The following PARD3 variants were observed in gnomAD, a reference collection of about 807,000 sequenced individuals.
PARD3 encodes the protein partitioning defective 3 homolog.
PARD3 carries 75 observed loss-of-function variants against 155.4 expected under a neutral mutation model. The observed-to-expected ratio is 0.48, with a 90% CI of 0.40 to 0.58. The LOEUF is 0.58. Ranked by LOEUF, PARD3 falls within the 20% of genes least tolerant of loss-of-function variation. The probability of loss-of-function intolerance (pLI) is 0.00; values close to 1 mark genes in which losing one functional copy is unlikely to be tolerated. For missense variants in PARD3, 1,642 were observed against 1,721.7 expected (o/e 0.95, Z 0.82); for synonymous variants, 576 against 610.5 (o/e 0.94, Z 0.83).
At chr10:34,402,015 T>C in intron 5 of PARD3, 98 bp from the exon 6 acceptor site, 1 of 926,366 alleles carries the variant, frequency 1.1e-6, no homozygotes. Context: ...ATAGGCATTA[T>C]GATCTTGGTA....
intron 21 of PARD3, among the ~76,000 whole-genome samples, chr10:34,283,464 A>G (rs750563174): frequency 1.2e-4 from 18 of 152,152 alleles, no homozygotes; most frequent in Admixed American, 2.0e-4. Context: ...GAAAAATTCT[A>G]ATCACTTAGA....
chr10:34,705,686 A>G (rs762418137), intron 1 of PARD3, among the ~76,000 whole-genome samples: 12 of 152,236 alleles, frequency 7.9e-5, no homozygotes, highest in Non-Finnish European at 1.3e-4. Flanking sequence ...GGAGGGACTA[A>G]TATCTCATGC....
intron 2 of PARD3, among the ~76,000 whole-genome samples, chr10:34,596,059 G>T (rs1245054170): frequency 6.6e-6 from 1 of 152,096 alleles, no homozygotes; most frequent in African/African-American, 2.4e-5. Flanking sequence ...TGGGGAAGTG[G>T]ATACCATATT....
At chr10:34,772,707 T>A (rs1288867292) in intron 1 of PARD3, among the ~76,000 whole-genome samples, 1 of 149,084 alleles carries the variant, frequency 6.7e-6, no homozygotes, top group Admixed American at 6.8e-5. Flanking sequence ...GGCAGGAGAA[T>A]TGCTTGAACC....
chr10:34,178,861 T>C (rs1230647077), intron 22 of PARD3, among the ~76,000 whole-genome samples: 1 of 152,222 alleles, frequency 6.6e-6, no homozygotes, highest in Non-Finnish European at 1.5e-5. Context: ...CATAACTGCC[T>C]TACCAGTGAT....
At chr10:34,127,309 T>C (rs1271796457) in intron 23 of PARD3, among the ~76,000 whole-genome samples, 2 of 152,204 alleles carry the variant, frequency 1.3e-5, no homozygotes, top group Non-Finnish European at 1.5e-5. Context: ...CAAAGACATA[T>C]GTCTGCTTCT....
intron 3 of PARD3, among the ~76,000 whole-genome samples, chr10:34,509,233 A>T (rs1038979406): frequency 6.6e-6 from 1 of 152,202 alleles, no homozygotes; most frequent in African/African-American, 2.4e-5. Context: ...CAGAACATGC[A>T]TCTACCTGGG....
chr10:34,575,529 G>A (rs1456099320), intron 2 of PARD3, among the ~76,000 whole-genome samples: 1 of 152,146 alleles, frequency 6.6e-6, no homozygotes, highest in Non-Finnish European at 1.5e-5. Flanking sequence ...AGAAACCCCA[G>A]GCCTGACACA....
intron 22 of PARD3, among the ~76,000 whole-genome samples, chr10:34,158,299 A>G (rs2133026172): frequency 6.6e-6 from 1 of 152,358 alleles, no homozygotes; most frequent in South Asian, 2.1e-4. Flanking sequence ...GAGGTAGGAG[A>G]CAACTTTAAT....
chr10:34,393,451 C>T (rs1285456732), intron 7 of PARD3, among the ~76,000 whole-genome samples: 1 of 151,808 alleles, frequency 6.6e-6, no homozygotes. Flanking sequence ...CATGGAGGCA[C>T]TTGCCTGTAG....
chr10:34,113,674 A>G (rs371247042), intron 24 of PARD3, among the ~76,000 whole-genome samples: 1 of 152,124 alleles, frequency 6.6e-6, no homozygotes, highest in African/African-American at 2.4e-5. Flanking sequence ...ACACTAGGAA[A>G]CTAAGCATCC....
chr10:34,723,794 G>A (rs2094649229), intron 1 of PARD3, among the ~76,000 whole-genome samples: 5 of 152,176 alleles, frequency 3.3e-5, no homozygotes, highest in Admixed American at 3.3e-4. Context: ...AGGAACTGCA[G>A]GCTTGAGCAC....
rs753052907 is a variant in PARD3, at chr10:34,303,065, G to GT, written c.3065+14041dup. Among the ~76,000 whole-genome samples, 8 of 69,684 alleles carry GT rather than the reference G, an allele frequency of 1.1e-4. No individual in the cohort carries two copies. The South Asian group carries it at 1.4e-3, about 12-fold the overall frequency. 45.7% of individuals were successfully genotyped at this position (69,684 alleles called of 152,430 possible). A position where few individuals can be genotyped will look rare whatever the true frequency, so the allele number is the denominator to read the frequency against. On this transcript the variant is annotated intron_variant, in intron 20 of 24. Coordinates refer to ENST00000374788, the MANE Select transcript of PARD3 (RefSeq NM_001184785.2). Reference sequence around the variant, plus strand: ...ATCATCACACCTGCTCCAAAACCAAGTTTTAAAAAAAAAAAAAATCCACCT... The same window carrying GT: ...ATCATCACACCTGCTCCAAAACCAAGTTTTTAAAAAAAAAAAAAATCCACCT...
rs909983592 is a variant in PARD3, at chr10:34,485,919, T to G, written c.404-15656A>C. 3.3e-5 allele frequency among the ~76,000 whole-genome samples: 3 copies of G among 90,092 alleles called. No individual in the cohort carries two copies. The South Asian group carries it at 8.2e-4, about 25-fold the overall frequency. 59.1% of individuals were successfully genotyped at this position (90,092 alleles called of 152,430 possible). A position where few individuals can be genotyped will look rare whatever the true frequency, so the allele number is the denominator to read the frequency against. ...AATGTGGCTGTTTAAACGTTTTGGG[T>G]TTTTTTTTTTTTTTTTTTTTTTGAG... On this transcript the variant is annotated intron_variant, in intron 3 of 24. Transcript: ENST00000374788.
chr10:34,384,114 C>T lies in PARD3; in HGVS notation c.1016+15G>A, dbSNP rs766482333. Reference sequence around the variant, plus strand: ...AATGCAAGTAAGAACAGAAGTGCAGCGAGCACACACTTACTGTTCAAATCT... The same window carrying T: ...AATGCAAGTAAGAACAGAAGTGCAGTGAGCACACACTTACTGTTCAAATCT... On this transcript the variant is annotated intron_variant, in intron 8 of 24. Coordinates refer to ENST00000374788, the MANE Select transcript of PARD3 (RefSeq NM_001184785.2). 3.7e-6 allele frequency: 6 copies of T among 1,610,568 alleles called. No homozygotes were observed. Among genetic ancestry groups the T allele is most frequent in the Admixed American group, 3.3e-5 (2 of 59,926 alleles).
intron 5 of PARD3, among the ~76,000 whole-genome samples, chr10:34,441,655 G>C (rs1363259228): frequency 6.6e-6 from 1 of 152,108 alleles, no homozygotes; most frequent in African/African-American, 2.4e-5. Context: ...ACGTCCACCA[G>C]AGCCCCACAC....
chr10:34,218,344 C>G (rs1952109051), intron 22 of PARD3, among the ~76,000 whole-genome samples: 1 of 152,120 alleles, frequency 6.6e-6, no homozygotes. Context: ...TAAATAGGAC[C>G]AGAAAAATCT....
chr10:34,533,580 G>A (rs2083006395), intron 2 of PARD3, among the ~76,000 whole-genome samples: 1 of 152,064 alleles, frequency 6.6e-6, no homozygotes, highest in African/African-American at 2.4e-5. Flanking sequence ...ACCAAGGCAG[G>A]CAGATCACTT....
chr10:34,746,400 G>A (rs1835338610), intron 1 of PARD3, among the ~76,000 whole-genome samples: 1 of 151,928 alleles, frequency 6.6e-6, no homozygotes, highest in Admixed American at 6.6e-5. Flanking sequence ...AGTGAGGTAT[G>A]ATCACCCAGC....
Sources: allele counts gnomAD v4.1 joint callset (sites outside exome capture counted in the v4.1 genomes callset), GRCh38; gene constraint gnomAD v4.1.1; transcripts MANE v1.5; gene names NCBI Gene and HGNC (gene_info 2026-07-23, HGNC 2026-07-21).